ERC1: variants seen among roughly 807,000 people sequenced by gnomAD.
ERC1 encodes the protein ELKS/RAB6-interacting/CAST family member 1, also known as RAB6 interacting protein 2.
A neutral mutation model predicts 132.0 loss-of-function variants in ERC1; 56 were observed. The observed-to-expected ratio is 0.42, with a 90% confidence interval of 0.34 to 0.53. The LOEUF (loss-of-function observed/expected upper bound fraction) is 0.53, where lower values mean the gene tolerates loss of function less well. Among genes scored for constraint, ERC1 ranks in the 20% least tolerant of loss-of-function variants. ERC1 has a pLI of 0.03. For synonymous variants in ERC1, 478 were observed against 476.1 expected (o/e 1.00, Z -0.05); for missense variants, 1,202 against 1,349.9 (o/e 0.89, Z 1.72).
chr12:1,097,568 C>T (rs908457654), intron 3 of ERC1, among the ~76,000 whole-genome samples: 2 of 152,104 alleles, frequency 1.3e-5, no homozygotes, highest in African/African-American at 4.8e-5. Context: ...GCTCTTTCTC[C>T]AGTAGCTCTT....
intron 7 of ERC1, among the ~76,000 whole-genome samples, chr12:1,127,658 G>A (rs1948347364): frequency 4.6e-5 from 7 of 151,856 alleles, no homozygotes; most frequent in Admixed American, 4.6e-4. Flanking sequence ...AACAGGTTGA[G>A]GTATGTAACA....
chr12:1,113,571 T>G (rs1466971521), intron 6 of ERC1, among the ~76,000 whole-genome samples: 2 of 152,204 alleles, frequency 1.3e-5, no homozygotes, highest in East Asian at 1.9e-4. Context: ...AAAACCAAAC[T>G]TGGGCTACTT....
chr12:1,459,721 T>G (rs1364916784), intron 18 of ERC1, among the ~76,000 whole-genome samples: 2 of 152,218 alleles, frequency 1.3e-5, no homozygotes, highest in Admixed American at 6.5e-5. Context: ...TGTCAGTTAA[T>G]TAGCACAAAG....
rs116289408 is a variant in ERC1 at position 1,491,481 on chromosome 12, A to G, written c.*1251A>G. ...CCACTTCTCAGTGAGGGAGAGATGT[A>G]GTGGATTCTGTGAGACATACCTGCT... On this transcript the variant is annotated 3_prime_UTR_variant, in exon 19 of 19. Transcript: ENST00000360905. The G allele has an allele frequency of 3.4e-3, 790 of 230,408 alleles. 2 individuals carry two copies. Among genetic ancestry groups the G allele is most frequent in the African/African-American group, 0.016 (730 of 45,290 alleles). The allele number at this position is 230,408 out of a possible 1,614,324, so 14.3% of individuals were successfully genotyped here. A position where few individuals can be genotyped will look rare whatever the true frequency, so the allele number is the denominator to read the frequency against.
intron 8 of ERC1, chr12:1,152,193 T>A (rs1950898552): frequency 6.9e-6 from 1 of 144,834 alleles, no homozygotes; most frequent in Admixed American, 7.0e-5. Context: ...AGAGTGAGAC[T>A]TGGTATCAAA....
rs560443461 is a variant in ERC1 at position 1,206,868 on chromosome 12, A to C, written c.2351+16816A>C. ...TTTAGAATATGTGTGATAGTTCCTA[A>C]CAACTTCATTAACCCATTTATACCA... On this transcript the variant is annotated intron_variant, in intron 12 of 18. Transcript: ENST00000360905. Among the ~76,000 whole-genome samples the C allele has an allele frequency of 5.9e-5, 9 of 152,202 alleles. No individual in the cohort carries two copies. The East Asian group carries it at 1.7e-3, about 29-fold the overall frequency.
At position 1,372,455 on chromosome 12, in the gene ERC1, C is replaced by T. The variant is rs140128969; in HGVS notation, c.2925+478C>T. Among the ~76,000 whole-genome samples, 58 of 152,242 alleles carry T rather than the reference C, an allele frequency of 3.8e-4. No individual in the cohort carries two copies. The South Asian group carries it at 6.4e-3, about 17-fold the overall frequency. On this transcript the variant is annotated intron_variant, in intron 16 of 18. Coordinates refer to ENST00000360905, the MANE Select transcript of ERC1 (RefSeq NM_178040.4). Reference sequence around the variant, plus strand: ...TTTAATACTTAATATTCATGTAACACCTTTTGTTTGTGAAAATAAAAGCTA... The same window carrying T: ...TTTAATACTTAATATTCATGTAACATCTTTTGTTTGTGAAAATAAAAGCTA...
intron 12 of ERC1, among the ~76,000 whole-genome samples, chr12:1,232,031 G>T (rs575785313): frequency 6.6e-6 from 1 of 152,126 alleles, no homozygotes; most frequent in East Asian, 1.9e-4. Context: ...GAACCACTGT[G>T]CCCAGCAACA....
chr12:1,068,399 G>A (rs1939678787), intron 2 of ERC1, among the ~76,000 whole-genome samples: 1 of 151,940 alleles, frequency 6.6e-6, no homozygotes, highest in African/African-American at 2.4e-5. Context: ...GAACCTGAAG[G>A]CTTAAAAGAC....
At position 1,196,976 on chromosome 12, in the gene ERC1, ATTTTT is replaced by A. The variant is rs1172269593; in HGVS notation, c.2351+6942_2351+6946del. On this transcript the variant is annotated intron_variant, in intron 12 of 18. Coordinates refer to ENST00000360905, the MANE Select transcript of ERC1 (RefSeq NM_178040.4). ...CACACACACACATATATATATATAT[ATTTTT>A]TTTTTTTTTTTTTTTTTAAGACAGA... is the stretch of plus-strand genomic sequence containing the variant. Among the ~76,000 whole-genome samples, 43 of 73,304 alleles carry A rather than the reference ATTTTT, an allele frequency of 5.9e-4. 2 individuals carry two copies. The highest frequency in any genetic ancestry group is 7.2e-3 in the Middle Eastern group (1 of 138). 48.1% of individuals were successfully genotyped at this position (73,304 alleles called of 152,430 possible). A position where few individuals can be genotyped will look rare whatever the true frequency, so the allele number is the denominator to read the frequency against.
intron 13 of ERC1, among the ~76,000 whole-genome samples, chr12:1,252,664 T>C (rs549371035): frequency 6.6e-6 from 1 of 152,320 alleles, no homozygotes; most frequent in Admixed American, 6.5e-5. Flanking sequence ...AGCACCACTC[T>C]TAACTGAGGG....
intron 12 of ERC1, among the ~76,000 whole-genome samples, chr12:1,199,973 G>A (rs1956755313): frequency 6.6e-6 from 1 of 151,462 alleles, no homozygotes; most frequent in African/African-American, 2.4e-5. Context: ...TGCCAGTAGT[G>A]ATTTTTAATC....
rs572361432 is a variant in ERC1 at position 1,180,875 on chromosome 12, G to A, written c.1875+198G>A. 2.7e-5 allele frequency among the ~76,000 whole-genome samples: 4 copies of A among 150,650 alleles called. No individual in the cohort carries two copies. The South Asian group carries it at 8.3e-4, about 31-fold the overall frequency. On this transcript the variant is annotated intron_variant, in intron 9 of 18. Coordinates refer to ENST00000360905, the MANE Select transcript of ERC1 (RefSeq NM_178040.4). Reference sequence around the variant, plus strand: ...TGTGCCCAGGCTGGAGTGCAGTGGCGTGATCTTGTCTCACTAAATTCCACC... The same window carrying A: ...TGTGCCCAGGCTGGAGTGCAGTGGCATGATCTTGTCTCACTAAATTCCACC...
intron 16 of ERC1, among the ~76,000 whole-genome samples, chr12:1,377,706 C>T (rs1305422534): frequency 6.6e-6 from 1 of 152,150 alleles, no homozygotes; most frequent in Non-Finnish European, 1.5e-5. Flanking sequence ...CTATCTTTTC[C>T]TCCTCGTGGA....
In ERC1 at chr12:1,455,416, C is replaced by G. The variant is rs529509872; in HGVS notation, c.3213+10666C>G. Among the ~76,000 whole-genome samples the G allele has an allele frequency of 2.0e-5, 3 of 152,310 alleles. No homozygotes were observed. In the South Asian group the frequency reaches 6.2e-4, roughly 32 times the overall value. On this transcript the variant is annotated intron_variant, in intron 18 of 18. Transcript: ENST00000360905. ...GTTCAGTTTTAGATTTCAGCATCTTCTCTGTTTACTTTAGGATGCTCCCGT... is the reference window on the plus strand; with the variant it reads ...GTTCAGTTTTAGATTTCAGCATCTTGTCTGTTTACTTTAGGATGCTCCCGT...
intron 2 of ERC1, among the ~76,000 whole-genome samples, chr12:1,068,691 G>T (rs1489730516): frequency 6.6e-6 from 1 of 152,084 alleles, no homozygotes; most frequent in Non-Finnish European, 1.5e-5. Flanking sequence ...TACTAGCAAG[G>T]TAAATTTATT....
At chr12:1,259,622 A>C (rs1229234183) in intron 13 of ERC1, among the ~76,000 whole-genome samples, 1 of 147,334 alleles carries the variant, frequency 6.8e-6, no homozygotes. Flanking sequence ...CTCCTGGTTC[A>C]AGTGATTCTC....
At chr12:1,416,786 G>A (rs183340871) in intron 17 of ERC1, among the ~76,000 whole-genome samples, 314 of 152,260 alleles carry the variant, frequency 2.1e-3, no homozygotes, top group African/African-American at 7.2e-3. Context: ...CTGCCTCAGA[G>A]GGCTGTTTGA....
chr12:1,008,883 A>G (rs556669554), intron 1 of ERC1, among the ~76,000 whole-genome samples: 1 of 152,332 alleles, frequency 6.6e-6, no homozygotes, highest in East Asian at 1.9e-4. Context: ...CCACCTTTCA[A>G]GTGCTCAGCA....
Sources: allele counts gnomAD v4.1 joint callset (sites outside exome capture counted in the v4.1 genomes callset), GRCh38; gene constraint gnomAD v4.1.1; transcripts MANE v1.5; gene names NCBI Gene and HGNC (gene_info 2026-07-23, HGNC 2026-07-21).